The following AJAP1 variants were observed in gnomAD, a reference collection of about 807,000 sequenced individuals.
The protein encoded by AJAP1 is adherens junction-associated protein 1.
In AJAP1, 5 loss-of-function variants were observed where a neutral mutation model predicts 35.0. The observed-to-expected ratio is 0.14, with a 90% CI of 0.07 to 0.30. The LOEUF is 0.30. Ranked by LOEUF, AJAP1 falls within the 10% of genes least tolerant of loss-of-function variation. The pLI is 1.00. For synonymous variants in AJAP1, 284 were observed against 249.3 expected, an observed-to-expected ratio of 1.14 and a Z score of -1.31; for missense variants, 586 against 571.0, an observed-to-expected ratio of 1.03 and a Z score of -0.27.
At chr1:4,697,606 C>T (rs1639894440) in intron 1 of AJAP1, among the ~76,000 whole-genome samples, 1 of 152,240 alleles carries the variant, frequency 6.6e-6, no homozygotes, top group Admixed American at 6.5e-5. Flanking sequence ...GTCCCACAGG[C>T]TGGTGCCAGG....
intron 2 of AJAP1, among the ~76,000 whole-genome samples, chr1:4,718,971 G>A (rs774056820): frequency 9.9e-5 from 15 of 152,158 alleles, no homozygotes; most frequent in Non-Finnish European, 2.1e-4. Flanking sequence ...GACTAGTGGG[G>A]TAGCCGGCGG....
rs746876881 is a variant in AJAP1 at position 4,712,385 on chromosome 1, G to A, written c.515G>A (p.Ser172Asn). The change falls in exon 2 of 6, where the codon AGC becomes AAC. Residue 172 changes from serine to asparagine, a missense_variant. Physicochemically the swap from Ser to Asn is conservative, Grantham distance 46 (BLOSUM62 1). Coordinates refer to ENST00000378191, the MANE Select transcript of AJAP1 (RefSeq NM_018836.4). ...DGLSSFDSRG[S>N]RPTTETEFIA... ...CTCAGCAGCTTCGACTCCAGAGGCA[G>A]CCGGCCCACCACAGAGACTGAGTTC... The A allele has an allele frequency of 3.2e-6, 5 of 1,554,966 alleles. No homozygotes were observed. Among genetic ancestry groups the A allele is most frequent in the Non-Finnish European group, 4.4e-6 (5 of 1,148,974 alleles).
intron 2 of AJAP1, among the ~76,000 whole-genome samples, chr1:4,738,626 C>T (rs1438888433): frequency 1.3e-5 from 2 of 152,050 alleles, no homozygotes; most frequent in East Asian, 1.9e-4. Flanking sequence ...GGCAGCACCG[C>T]GGGGGTGTGC....
chr1:4,661,657 A>G (rs1238528071), intron 1 of AJAP1, among the ~76,000 whole-genome samples: 1 of 152,230 alleles, frequency 6.6e-6, no homozygotes, highest in Non-Finnish European at 1.5e-5. Context: ...CAAAATTTTC[A>G]AACAACAACA....
chr1:4,721,077 C>T (rs1048068947), intron 2 of AJAP1, among the ~76,000 whole-genome samples: 2 of 152,206 alleles, frequency 1.3e-5, no homozygotes, highest in South Asian at 2.1e-4. Flanking sequence ...CAGTTGCACA[C>T]GCTCCTCCCT....
rs11804518 is a variant in AJAP1 at position 4,787,892 on chromosome 1, G to A, written c.*5407G>A. 916 of 366,526 alleles carry A rather than the reference G, an allele frequency of 2.5e-3. 6 individuals are homozygous for A. The highest frequency in any genetic ancestry group is 0.016 in the African/African-American group (765 of 47,376). The allele number at this position is 366,526 out of a possible 1,614,324, so 22.7% of individuals were successfully genotyped here. A position where few individuals can be genotyped will look rare whatever the true frequency, so the allele number is the denominator to read the frequency against. ...CACTTAGTGGCATCCTTCTTAAACA[G>A]CATCTGCTTTTAAGTAAGCAGCTAT... On this transcript the variant is annotated 3_prime_UTR_variant, in exon 6 of 6. Transcript: ENST00000378191.
rs921162074 is a variant in AJAP1, at chr1:4,785,388, G to T, written c.*2903G>T. 10 of 152,226 alleles carry T rather than the reference G, an allele frequency of 6.6e-5. No individual in the cohort carries two copies. The highest frequency in any genetic ancestry group is 2.4e-4 in the African/African-American group (10 of 41,454). The allele number at this position is 152,226 out of a possible 1,614,324, so 9.4% of individuals were successfully genotyped here. ...CAAAGGCTGCTATTTCTGGATGATT[G>T]AGGCAGTGTCTGTAGACGTGTTACT... On this transcript the variant is annotated 3_prime_UTR_variant, in exon 6 of 6. Transcript: ENST00000378191.
At chr1:4,687,918 C>T (rs1223790759) in intron 1 of AJAP1, among the ~76,000 whole-genome samples, 2 of 152,344 alleles carry the variant, frequency 1.3e-5, no homozygotes, top group Non-Finnish European at 2.9e-5. Context: ...AGGAGGCCAA[C>T]GATGAACAAA....
chr1:4,712,779 C>A, intron 2 of AJAP1, 80 bp downstream of exon 2: 1 of 1,392,168 alleles, frequency 7.2e-7, no homozygotes, highest in Non-Finnish European at 9.6e-7. Flanking sequence ...GCTTAGATGT[C>A]CCTGGGTGAT....
intron 1 of AJAP1, among the ~76,000 whole-genome samples, chr1:4,668,816 C>T (rs1325216033): frequency 2.6e-5 from 4 of 152,206 alleles, no homozygotes; most frequent in Non-Finnish European, 5.9e-5. Flanking sequence ...GCTTTCTTGC[C>T]GGGCTCTGCC....
intron 2 of AJAP1, among the ~76,000 whole-genome samples, chr1:4,729,646 C>A (rs1235946737): frequency 3.1e-5 from 3 of 98,286 alleles, no homozygotes; most frequent in African/African-American, 7.6e-5. Flanking sequence ...CCAAAGTTCC[C>A]CTTTTGATGA....
At chr1:4,690,028 C>T (rs571050467) in intron 1 of AJAP1, among the ~76,000 whole-genome samples, 1 of 152,276 alleles carries the variant, frequency 6.6e-6, no homozygotes, top group African/African-American at 2.4e-5. Context: ...CCTCCTGGCC[C>T]TGTAGAACTT....
chr1:4,657,211 A>G (rs1638901617), intron 1 of AJAP1, among the ~76,000 whole-genome samples: 1 of 152,250 alleles, frequency 6.6e-6, no homozygotes, highest in African/African-American at 2.4e-5. Context: ...GAAATTTACT[A>G]AAACAGTTCC....
intron 1 of AJAP1, among the ~76,000 whole-genome samples, chr1:4,671,948 C>T (rs2100517045): frequency 6.6e-6 from 1 of 152,336 alleles, no homozygotes; most frequent in South Asian, 2.1e-4. Context: ...AAAAGGAAAG[C>T]TGTGAGGCAC....
intron 2 of AJAP1, among the ~76,000 whole-genome samples, chr1:4,749,914 TC>T (rs1641283994): frequency 6.6e-6 from 1 of 152,154 alleles, no homozygotes. Flanking sequence ...GGTTTTGTGC[TC>T]ATATATGCTA....
Position 4,724,727 on chromosome 1 carries a change from A to G in AJAP1, c.829+12028A>G, listed in dbSNP as rs148569119. The stretch of plus-strand genomic sequence containing the variant: ...CCCTGCCTGGCCCACAGCTAGCTCC[A>G]TAGCCATTGTCTGAACAGTTTTTTA... On this transcript the variant is annotated intron_variant, in intron 2 of 5. Coordinates refer to ENST00000378191, the MANE Select transcript of AJAP1 (RefSeq NM_018836.4). Among the ~76,000 whole-genome samples, 768 of 152,318 alleles carry G rather than the reference A, an allele frequency of 5.0e-3. 3 individuals are homozygous for G. Among genetic ancestry groups the G allele is most frequent in the Non-Finnish European group, 7.8e-3 (530 of 68,032 alleles).
At position 4,782,605 on chromosome 1, in the gene AJAP1, T is replaced by A. The variant is rs1642086843; in HGVS notation, c.*120T>A. 2.5e-6 allele frequency: 1 copy of A among 396,816 alleles called. No homozygotes were observed. The highest frequency in any genetic ancestry group is 2.1e-5 in the African/African-American group (1 of 48,570). The allele number at this position is 396,816 out of a possible 1,614,324, so 24.6% of individuals were successfully genotyped here. On this transcript the variant is annotated 3_prime_UTR_variant, in exon 6 of 6. Transcript: ENST00000378191. This position sits in a 1 kb window ranked among gnomAD's most constrained non-coding sequence, Gnocchi z 5.3. ...AAAACAAAACAAAAAAGACAAAACC[T>A]AAAACTGAGCTATCTAAGGGGGAGG...
chr1:4,661,921 A>C (rs934132997), intron 1 of AJAP1, among the ~76,000 whole-genome samples: 1 of 152,254 alleles, frequency 6.6e-6, no homozygotes, highest in Non-Finnish European at 1.5e-5. Context: ...ATATGTCACC[A>C]AATCCAAGGA....
intron 2 of AJAP1, among the ~76,000 whole-genome samples, chr1:4,751,927 A>G (rs1371756393): frequency 6.6e-6 from 1 of 152,180 alleles, no homozygotes; most frequent in Non-Finnish European, 1.5e-5. Flanking sequence ...GACAGGGTGC[A>G]CTGAGTCCCT....
Sources: gnomAD v4.1 joint callset for allele counts (sites outside exome capture counted in the v4.1 genomes callset) on GRCh38, gnomAD v4.1.1 for gene constraint, Gnocchi (gnomAD v3.1) non-coding constraint, MANE v1.5 for transcripts, NCBI Gene and HGNC (gene_info 2026-07-23, HGNC 2026-07-21) for gene names.